DHRSX: variants seen among roughly 807,000 people sequenced by gnomAD.
DHRSX encodes the protein polyprenol dehydrogenase.
In DHRSX, 31 loss-of-function variants were observed where a neutral mutation model predicts 34.0. The observed-to-expected ratio is 0.91, with a 90% CI of 0.69 to 1.23. The LOEUF (loss-of-function observed/expected upper bound fraction) is 1.23. DHRSX is among the 50% of genes most tolerant of loss of function. The probability of loss-of-function intolerance (pLI) is 0.00; values close to 1 mark genes in which losing one functional copy is unlikely to be tolerated. For synonymous variants in DHRSX, 201 were observed against 183.8 expected (o/e 1.09, Z -0.76); for missense variants, 414 against 428.1 (o/e 0.97, Z 0.29).
intron 3 of DHRSX, among the ~76,000 whole-genome samples, chrX:2,294,232 G>A (rs1478733338): frequency 6.6e-6 from 1 of 152,038 alleles, no homozygotes; most frequent in Non-Finnish European, 1.5e-5. Context: ...GACAAAGAGA[G>A]AAAGGCAGAC....
intron 3 of DHRSX, among the ~76,000 whole-genome samples, chrX:2,356,098 G>C (rs1330290907): frequency 1.3e-5 from 2 of 150,522 alleles, no homozygotes; most frequent in African/African-American, 4.9e-5. Context: ...ATAATTAGCC[G>C]GGTCTGGTGG....
chrX:2,410,370 G>A (rs965142774), intron 2 of DHRSX, among the ~76,000 whole-genome samples: 2 of 152,136 alleles, frequency 1.3e-5, no homozygotes, highest in African/African-American at 2.4e-5. Flanking sequence ...TTGGGTGCCC[G>A]GAGAGCTTCA....
rs2044533364 is a variant in DHRSX at position 2,468,539 on chromosome X, A to AC, written c.109+32277_109+32278insG. ...AGGGACCGCCACTGTGTATGCACTG[A>AC]AGAGGTTCCCTAAGAATGCGGCCAC... On this transcript the variant is annotated intron_variant, in intron 1 of 6. Transcript: ENST00000334651. Among the ~76,000 whole-genome samples, 5 of 152,078 alleles carry AC rather than the reference A, an allele frequency of 3.3e-5. No homozygotes were observed. The East Asian group carries it at 9.7e-4, about 29-fold the overall frequency.
chrX:2,364,209 GT>G (rs1397809704), intron 3 of DHRSX, among the ~76,000 whole-genome samples: 3 of 152,246 alleles, frequency 2.0e-5, no homozygotes, highest in African/African-American at 7.2e-5. Context: ...TACATCAGTG[GT>G]TTTCCATTGG....
intron 5 of DHRSX, among the ~76,000 whole-genome samples, chrX:2,259,622 G>T (rs62595498): frequency 0.71 from 107,357 of 151,794 alleles, 39,131 homozygotes; most frequent in African/African-American, 0.8. Context: ...ATCCAGTGAA[G>T]TGATACCTTC....
At chrX:2,432,189 G>A (rs775860783) in intron 1 of DHRSX, among the ~76,000 whole-genome samples, 114 of 151,620 alleles carry the variant, frequency 7.5e-4, no homozygotes, top group Non-Finnish European at 1.3e-3. Flanking sequence ...GCCAGACTCC[G>A]TCTCAAAAAA....
intron 4 of DHRSX, among the ~76,000 whole-genome samples, chrX:2,270,661 C>T (rs1425481304): frequency 6.6e-6 from 1 of 152,078 alleles, no homozygotes; most frequent in Non-Finnish European, 1.5e-5. Flanking sequence ...CTCCACAGTG[C>T]GGTTGTAGTG....
At chrX:2,225,344 G>C (rs180850814) in intron 6 of DHRSX, among the ~76,000 whole-genome samples, 50,625 of 149,086 alleles carry the variant, frequency 0.34, 9,512 homozygotes, top group East Asian at 0.76. Context: ...TCATTCACAA[G>C]TACGCACATA....
chrX:2,443,219 A>G (rs2044084369), intron 1 of DHRSX, among the ~76,000 whole-genome samples: 1 of 151,570 alleles, frequency 6.6e-6, no homozygotes, highest in South Asian at 2.1e-4. Flanking sequence ...TTTTATATAG[A>G]CGGGGGTCTC....
At chrX:2,480,767 A>C (rs1489471764) in intron 1 of DHRSX, among the ~76,000 whole-genome samples, 1 of 152,132 alleles carries the variant, frequency 6.6e-6, no homozygotes, top group Non-Finnish European at 1.5e-5. Flanking sequence ...GCCATGAGCT[A>C]TGAACATGAT....
chrX:2,483,521 G>A (rs1438174776), intron 1 of DHRSX, among the ~76,000 whole-genome samples: 3 of 151,936 alleles, frequency 2.0e-5, no homozygotes, highest in East Asian at 1.9e-4. Context: ...CGCCTGCCTC[G>A]GCCTCCCAAA....
chrX:2,326,416 G>A (rs1459676466), intron 3 of DHRSX, among the ~76,000 whole-genome samples: 1 of 152,018 alleles, frequency 6.6e-6, no homozygotes, highest in Non-Finnish European at 1.5e-5. Context: ...CCAGCTACTC[G>A]GGAGGCTGAG....
chrX:2,406,240 C>T (rs1359532671), intron 3 of DHRSX, among the ~76,000 whole-genome samples: 4 of 151,408 alleles, frequency 2.6e-5, no homozygotes, highest in African/African-American at 9.7e-5. Context: ...TGCAGTGAGC[C>T]GAGATCGCAC....
At chrX:2,330,134 G>A (rs1355417008) in intron 3 of DHRSX, among the ~76,000 whole-genome samples, 2 of 134,898 alleles carry the variant, frequency 1.5e-5, no homozygotes, top group Non-Finnish European at 3.2e-5. Flanking sequence ...CAGAGAGAAA[G>A]GAAGGAGGAG....
At chrX:2,259,858 G>A (rs1371555546) in intron 5 of DHRSX, among the ~76,000 whole-genome samples, 2 of 150,066 alleles carry the variant, frequency 1.3e-5, no homozygotes, top group African/African-American at 2.5e-5. Context: ...AGTGGATTTA[G>A]GACCTACCCT....
chrX:2,364,886 A>G (rs1163185610), intron 3 of DHRSX, among the ~76,000 whole-genome samples: 1 of 152,144 alleles, frequency 6.6e-6, no homozygotes, highest in African/African-American at 2.4e-5. Flanking sequence ...GACCATTACT[A>G]TCTATCTAGC....
At chrX:2,412,327 G>A (rs1024863652) in intron 2 of DHRSX, among the ~76,000 whole-genome samples, 57 of 152,242 alleles carry the variant, frequency 3.7e-4, no homozygotes, top group Middle Eastern at 3.4e-3. Flanking sequence ...CGGGTGACCC[G>A]TTTGCCTTTG....
At chrX:2,393,106 A>T (rs1302327261) in intron 3 of DHRSX, among the ~76,000 whole-genome samples, 1 of 147,520 alleles carries the variant, frequency 6.8e-6, no homozygotes, top group African/African-American at 2.5e-5. Context: ...ATAATACATC[A>T]TATATAATAA....
intron 3 of DHRSX, among the ~76,000 whole-genome samples, chrX:2,381,225 T>C (rs2043198474): frequency 6.6e-6 from 1 of 152,134 alleles, no homozygotes; most frequent in African/African-American, 2.4e-5. Context: ...TGGAGCCCTT[T>C]AAGACGTGAT....
Sources: allele counts gnomAD v4.1 joint callset (sites outside exome capture counted in the v4.1 genomes callset), GRCh38; gene constraint gnomAD v4.1.1; transcripts MANE v1.5; gene names NCBI Gene and HGNC (gene_info 2026-07-23, HGNC 2026-07-21).